ASTN2: variants seen among roughly 807,000 people sequenced by gnomAD.
The protein encoded by ASTN2 is astrotactin-2.
In ASTN2, 54 loss-of-function variants were observed where a neutral mutation model predicts 139.8. That is an observed-to-expected ratio of 0.39 (90% CI 0.31 to 0.48). The LOEUF is 0.48. ASTN2 is among the 20% of genes least tolerant of loss of function. ASTN2 has a pLI of 0.95. For synonymous variants in ASTN2, 756 were observed against 719.5 expected (o/e 1.05, Z -0.81); for missense variants, 1,565 against 1,725.1 (o/e 0.91, Z 1.64).
intron 4 of ASTN2, among the ~76,000 whole-genome samples, chr9:117,138,405 C>T (rs527618458): frequency 2.0e-5 from 3 of 152,214 alleles, no homozygotes; most frequent in Admixed American, 1.3e-4. Flanking sequence ...AAGAAGGAAC[C>T]GTTTGCTGTG....
rs879428091 is a variant in ASTN2, at chr9:117,308,224, TCAATCAATC to T, written c.443-16720_443-16712del. Among the ~76,000 whole-genome samples the T allele has an allele frequency of 1.6e-3, 122 of 76,800 alleles. 1 individual carries two copies. Among genetic ancestry groups the T allele is most frequent in the Non-Finnish European group, 3.8e-3 (102 of 26,884 alleles). 50.4% of individuals were successfully genotyped at this position (76,800 alleles called of 152,430 possible). On this transcript the variant is annotated intron_variant, in intron 1 of 22. Coordinates refer to ENST00000313400, the MANE Select transcript of ASTN2 (RefSeq NM_001365068.1). Reference sequence around the variant, plus strand: ...TGGATGCTGGGGCAAAATCAATCAATCAATCAATCAATCAATCAATCAATCAAACAAACA... The same window carrying T: ...TGGATGCTGGGGCAAAATCAATCAATAATCAATCAATCAATCAAACAAACA...
At chr9:116,993,458 T>TCACA (rs139297526) in intron 7 of ASTN2, among the ~76,000 whole-genome samples, 27 of 148,222 alleles carry the variant, frequency 1.8e-4, no homozygotes, top group African/African-American at 4.2e-4. Flanking sequence ...TCTACAGGCT[T>TCACA]CACACACACA....
At chr9:117,282,982 G>GT (rs202218410) in intron 2 of ASTN2, among the ~76,000 whole-genome samples, 10,824 of 129,782 alleles carry the variant, frequency 0.083, 548 homozygotes, top group South Asian at 0.15. Flanking sequence ...TACTTCTACT[G>GT]TTTTTTTTTT....
chr9:116,964,012 G>T (rs1167951487), intron 10 of ASTN2, among the ~76,000 whole-genome samples: 1 of 152,096 alleles, frequency 6.6e-6, no homozygotes, highest in Non-Finnish European at 1.5e-5. Flanking sequence ...ATCTCTTGTT[G>T]CTTTTCTGGA....
intron 5 of ASTN2, among the ~76,000 whole-genome samples, chr9:117,045,657 G>A (rs997984855): frequency 5.9e-5 from 9 of 152,114 alleles, no homozygotes; most frequent in African/African-American, 2.2e-4. Flanking sequence ...GTTGAGAGGA[G>A]AAAATGAAAT....
chr9:117,207,347 G>A (rs1376388475), intron 3 of ASTN2, among the ~76,000 whole-genome samples: 1 of 152,116 alleles, frequency 6.6e-6, no homozygotes, highest in Non-Finnish European at 1.5e-5. Flanking sequence ...AAACAGCCCT[G>A]TACCCACCCA....
chr9:116,586,835 C>CACACACACACAT lies in ASTN2; in HGVS notation c.3355+31488_3355+31489insATGTGTGTGTGT, dbSNP rs1554717122. On this transcript the variant is annotated intron_variant, in intron 19 of 22. Coordinates refer to ENST00000313400, the MANE Select transcript of ASTN2 (RefSeq NM_001365068.1). ...ATTCACACACACACACATACATACA[C>CACACACACACAT]ACACACACACACACACACACACACA... 3.4e-3 allele frequency among the ~76,000 whole-genome samples: 495 copies of CACACACACACAT among 144,060 alleles called. 5 individuals are homozygous for CACACACACACAT. Among genetic ancestry groups the CACACACACACAT allele is most frequent in the Middle Eastern group, 0.014 (4 of 286 alleles). The allele number at this position is 144,060 out of a possible 152,430, so 94.5% of individuals were successfully genotyped here.
chr9:116,781,727 G>A (rs957368673), intron 13 of ASTN2, among the ~76,000 whole-genome samples: 2 of 152,140 alleles, frequency 1.3e-5, no homozygotes, highest in Non-Finnish European at 2.9e-5. Flanking sequence ...GATGCAGTCT[G>A]AGCATTGGAT....
chr9:116,455,168 G>C (rs1848292455), intron 20 of ASTN2, among the ~76,000 whole-genome samples: 2 of 152,004 alleles, frequency 1.3e-5, no homozygotes, highest in South Asian at 4.1e-4. Context: ...GGCCAACATG[G>C]TGAAACCCTG....
At chr9:117,204,738 A>C (rs1831857282) in intron 3 of ASTN2, among the ~76,000 whole-genome samples, 1 of 152,232 alleles carries the variant, frequency 6.6e-6, no homozygotes, top group Non-Finnish European at 1.5e-5. Context: ...TGACCTGGGA[A>C]GACTGGCTGT....
rs2118786487 is a variant in ASTN2, at chr9:116,424,064, G to A, written c.*1787C>T. ...GATATACCTGACCTACATCCCATCT[G>A]CTCAAGCTAGGTAGCTTATTTGAGC... On this transcript the variant is annotated 3_prime_UTR_variant, in exon 23 of 23. Transcript: ENST00000313400. 6.6e-6 allele frequency among the ~76,000 whole-genome samples: 1 copy of A among 152,196 alleles called. No individual in the cohort carries two copies. The highest frequency in any genetic ancestry group is 2.1e-4 in the South Asian group (1 of 4,820).
intron 10 of ASTN2, among the ~76,000 whole-genome samples, chr9:116,957,253 A>G (rs745747211): frequency 3.9e-5 from 6 of 152,166 alleles, no homozygotes; most frequent in Non-Finnish European, 8.8e-5. Context: ...TTTTATATAC[A>G]CATGCATACA....
At chr9:116,843,259 T>TA (rs1231192822) in intron 11 of ASTN2, among the ~76,000 whole-genome samples, 1 of 149,704 alleles carries the variant, frequency 6.7e-6, no homozygotes. Context: ...TATGCAGCCA[T>TA]AAAAAAATCA....
intron 1 of ASTN2, among the ~76,000 whole-genome samples, chr9:117,342,389 CAAG>C (rs1224100198): frequency 1.3e-5 from 2 of 152,156 alleles, no homozygotes; most frequent in Non-Finnish European, 1.5e-5. Context: ...ATTTATGTGG[CAAG>C]GCTGGTGAAA....
intron 15 of ASTN2, among the ~76,000 whole-genome samples, chr9:116,727,527 G>T (rs1335835004): frequency 1.1e-5 from 1 of 88,602 alleles, no homozygotes; most frequent in Non-Finnish European, 2.5e-5. Flanking sequence ...GGTGTGGGGG[G>T]CAGAAAACAA....
chr9:116,777,936 G>A (rs529846370), intron 13 of ASTN2, among the ~76,000 whole-genome samples: 22 of 152,060 alleles, frequency 1.4e-4, no homozygotes, highest in East Asian at 5.8e-4. Flanking sequence ...TCCACCTCCC[G>A]GGTTCAAGCA....
intron 7 of ASTN2, among the ~76,000 whole-genome samples, chr9:117,006,156 C>T (rs772387458): frequency 6.6e-6 from 1 of 152,124 alleles, no homozygotes; most frequent in South Asian, 2.1e-4. Context: ...CCACACCCAG[C>T]CCCACTTTAT....
intron 13 of ASTN2, among the ~76,000 whole-genome samples, chr9:116,785,009 C>G (rs1830330512): frequency 6.6e-6 from 1 of 151,820 alleles, no homozygotes; most frequent in African/African-American, 2.4e-5. Context: ...GTCTGGATTC[C>G]AATCCTGTCT....
chr9:116,912,213 T>C (rs1834330378), intron 10 of ASTN2, among the ~76,000 whole-genome samples: 1 of 152,250 alleles, frequency 6.6e-6, no homozygotes, highest in Non-Finnish European at 1.5e-5. Context: ...CATGCAAACA[T>C]TGGCTGAACC....
Sources: allele counts gnomAD v4.1 joint callset (sites outside exome capture counted in the v4.1 genomes callset), GRCh38; gene constraint gnomAD v4.1.1; transcripts MANE v1.5; gene names NCBI Gene and HGNC (gene_info 2026-07-23, HGNC 2026-07-21).